Variants in ATF7 observed in about 807,000 individuals in gnomAD.
ATF7 encodes cyclic AMP-dependent transcription factor ATF-7.
Under a neutral mutation model 50.4 loss-of-function variants are expected in ATF7, and 10 were observed. The ratio of observed to expected loss-of-function variants is 0.20; its 90% CI spans 0.12 to 0.34. ATF7 has a LOEUF of 0.34. Ranked by LOEUF, ATF7 falls within the 10% of genes least tolerant of loss-of-function variation. The probability of loss-of-function intolerance (pLI) is 1.00; values close to 1 mark genes in which losing one functional copy is unlikely to be tolerated. For missense variants in ATF7, 465 were observed against 613.9 expected, an observed-to-expected ratio of 0.76 and a Z score of 2.56; for synonymous variants, 201 against 226.4, an observed-to-expected ratio of 0.89 and a Z score of 1.01.
At chr12:53,521,803 G>A (rs996000831) in intron 11 of ATF7, among the ~76,000 whole-genome samples, 8 of 152,148 alleles carry the variant, frequency 5.3e-5, no homozygotes, top group African/African-American at 1.9e-4. Flanking sequence ...GAAAAACAGT[G>A]ACTGGCACAG....
At chr12:53,518,012 A>C (rs545178626) in intron 11 of ATF7, among the ~76,000 whole-genome samples, 1 of 152,238 alleles carries the variant, frequency 6.6e-6, no homozygotes, top group East Asian at 1.9e-4. Flanking sequence ...CTACAGGTGC[A>C]CACTGCCACA....
intron 2 of ATF7, among the ~76,000 whole-genome samples, chr12:53,582,043 T>C (rs1430436923): frequency 6.6e-6 from 1 of 151,804 alleles, no homozygotes; most frequent in African/African-American, 2.4e-5. Context: ...TCGGAGGCTA[T>C]AGTGAGCTAA....
intron 9 of ATF7, among the ~76,000 whole-genome samples, chr12:53,529,034 G>A (rs1938678925): frequency 6.6e-6 from 1 of 151,956 alleles, no homozygotes; most frequent in Non-Finnish European, 1.5e-5. Context: ...GAGTCCAGGA[G>A]TATGAGACTA....
At chr12:53,544,874 T>A (rs553433031) in intron 3 of ATF7, among the ~76,000 whole-genome samples, 78 of 151,216 alleles carry the variant, frequency 5.2e-4, no homozygotes, top group Non-Finnish European at 1.1e-3. Context: ...CTCTTCTGAA[T>A]CAGAGTGTTT....
intron 9 of ATF7, among the ~76,000 whole-genome samples, chr12:53,530,513 G>C (rs1181998456): frequency 1.3e-5 from 2 of 151,902 alleles, no homozygotes; most frequent in African/African-American, 4.8e-5. Context: ...GTTTCTTTGT[G>C]ATAAAAAGGG....
At chr12:53,617,426 G>A (rs372684415) in intron 1 of ATF7, among the ~76,000 whole-genome samples, 199 of 152,268 alleles carry the variant, frequency 1.3e-3, no homozygotes, top group African/African-American at 4.3e-3. Flanking sequence ...TCACGGGTGC[G>A]AGAGCAGCCT....
intron 2 of ATF7, among the ~76,000 whole-genome samples, chr12:53,567,047 C>T (rs951250347): frequency 6.6e-6 from 1 of 152,202 alleles, no homozygotes; most frequent in African/African-American, 2.4e-5. Context: ...CCATTGCGCC[C>T]AGCCTGTGTT....
chr12:53,600,913 C>A, intron 2 of ATF7, 40 bp downstream of exon 2: 2 of 1,601,134 alleles, frequency 1.2e-6, no homozygotes, highest in South Asian at 2.2e-5. Context: ...CACTTTGATT[C>A]ACAACGAGAC....
chr12:53,539,650 A>G (rs1431792099), intron 4 of ATF7, among the ~76,000 whole-genome samples: 3 of 151,852 alleles, frequency 2.0e-5, no homozygotes, highest in Non-Finnish European at 2.9e-5. Context: ...GATTCTACCA[A>G]TGCACTCTAG....
chr12:53,566,240 T>C (rs1941438629), intron 2 of ATF7, among the ~76,000 whole-genome samples: 1 of 152,128 alleles, frequency 6.6e-6, no homozygotes, highest in Non-Finnish European at 1.5e-5. Flanking sequence ...GAGAAGACTG[T>C]TGTCAATTAA....
chr12:53,608,608 A>T, intron 1 of ATF7, among the ~76,000 whole-genome samples: 1 of 152,226 alleles, frequency 6.6e-6, no homozygotes, highest in East Asian at 1.9e-4. Flanking sequence ...CAAGTTTAGC[A>T]GGTACCGAAT....
intron 1 of ATF7, among the ~76,000 whole-genome samples, chr12:53,602,811 G>T (rs1943455680): frequency 1.3e-5 from 2 of 152,140 alleles, no homozygotes; most frequent in South Asian, 2.1e-4. Flanking sequence ...TTAAATACAT[G>T]ATTTTTTTAG....
intron 1 of ATF7, among the ~76,000 whole-genome samples, chr12:53,615,689 G>A (rs980607453): frequency 6.6e-6 from 1 of 152,032 alleles, no homozygotes; most frequent in East Asian, 1.9e-4. Flanking sequence ...CTGGGCAAGA[G>A]AGCAAAATCC....
intron 1 of ATF7, among the ~76,000 whole-genome samples, chr12:53,613,264 A>G (rs1008904543): frequency 2.6e-5 from 4 of 152,256 alleles, no homozygotes; most frequent in African/African-American, 9.6e-5. Flanking sequence ...TTAAAATGAC[A>G]TATCTTAACA....
At chr12:53,520,870 C>T (rs1938080471) in intron 11 of ATF7, among the ~76,000 whole-genome samples, 1 of 152,150 alleles carries the variant, frequency 6.6e-6, no homozygotes, top group Non-Finnish European at 1.5e-5. Context: ...ATCCTGGATT[C>T]AGCCTGCTCT....
rs1319296570 is a variant in ATF7 at position 53,531,877 on chromosome 12, G to C, written c.794C>G (p.Thr265Ser). 6 of 1,613,596 alleles carry C rather than the reference G, an allele frequency of 3.7e-6. No individual in the cohort carries two copies. Among genetic ancestry groups the C allele is most frequent in the East Asian group, 2.2e-5 (1 of 44,906 alleles). ...ACCATTGATTGAGGAGACTTGGTGA[G>C]TTAGGGTGGCTTTCAGTCTCTGTGG... ...EAKMRLKATLTHQVSSINGGC... is the reference protein window; with the variant it reads ...EAKMRLKATLSHQVSSINGGC... The change falls in exon 9 of 12, where the codon ACT (threonine) becomes AGT (serine). Residue 265 changes from threonine to serine, a missense_variant. By Grantham distance (58) the Thr-to-Ser change is moderately conservative (BLOSUM62 1). Transcript: ENST00000420353.
At chr12:53,568,563 G>A (rs780514027) in intron 2 of ATF7, among the ~76,000 whole-genome samples, 52 of 152,172 alleles carry the variant, frequency 3.4e-4, no homozygotes, top group Non-Finnish European at 7.1e-4. Context: ...CAACGATAAA[G>A]GCTCAAATAG....
intron 2 of ATF7, among the ~76,000 whole-genome samples, chr12:53,557,755 T>A (rs1453284504): frequency 6.6e-6 from 1 of 152,182 alleles, no homozygotes; most frequent in Non-Finnish European, 1.5e-5. Flanking sequence ...TCTGATATGG[T>A]AGCGACTAGC....
intron 2 of ATF7, among the ~76,000 whole-genome samples, chr12:53,555,446 G>A (rs910712407): frequency 2.0e-5 from 3 of 150,798 alleles, no homozygotes; most frequent in Admixed American, 2.0e-4. Flanking sequence ...TATTTGGTAA[G>A]AGGAAATAAG....
Sources: gnomAD v4.1 joint callset for allele counts (sites outside exome capture counted in the v4.1 genomes callset) on GRCh38, gnomAD v4.1.1 for gene constraint, MANE v1.5 for transcripts, NCBI Gene and HGNC (gene_info 2026-07-23, HGNC 2026-07-21) for gene names.